The following MAPK8IP3 variants were observed in gnomAD, a reference collection of about 807,000 sequenced individuals.
The protein encoded by MAPK8IP3 is C-Jun-amino-terminal kinase-interacting protein 3.
Under a neutral mutation model 157.8 loss-of-function variants are expected in MAPK8IP3, and 49 were observed. The ratio of observed to expected loss-of-function variants is 0.31; its 90% CI spans 0.25 to 0.39. MAPK8IP3 has a LOEUF of 0.39. Among genes scored for constraint, MAPK8IP3 ranks in the 10% least tolerant of loss-of-function variants. MAPK8IP3 has a pLI of 1.00. For synonymous variants in MAPK8IP3, 897 were observed against 777.7 expected (o/e 1.15, Z -2.55); for missense variants, 1,478 against 1,889.4 (o/e 0.78, Z 4.04).
At chr16:1,727,050 G>A (rs190263729) in intron 2 of MAPK8IP3, among the ~76,000 whole-genome samples, 202 of 151,950 alleles carry the variant, frequency 1.3e-3, no homozygotes, top group African/African-American at 4.7e-3. Flanking sequence ...TGTGCTGTGT[G>A]CTGTGTATGA....
intron 1 of MAPK8IP3, among the ~76,000 whole-genome samples, chr16:1,720,200 G>A (rs34846031): frequency 0.13 from 19,960 of 152,148 alleles, 2,052 homozygotes; most frequent in African/African-American, 0.29. Flanking sequence ...ACGCCCAGCT[G>A]ATTTTTTGTG....
At position 1,758,039 on chromosome 16, in the gene MAPK8IP3, C is replaced by T. The variant is rs73501660; in HGVS notation, c.1217-109C>T. On this transcript the variant is annotated intron_variant, in intron 8 of 31. Transcript: ENST00000610761. ...TCCTGCCCTGCAACATGGGAGCAGC[C>T]GAATCATTGCTGGGTTTTCTGTAAT... is the stretch of plus-strand genomic sequence containing the variant. The T allele has an allele frequency of 4.9e-3, 5,574 of 1,130,044 alleles. 191 individuals carry two copies. The African/African-American group carries it at 0.07, about 14-fold the overall frequency. The allele number at this position is 1,130,044 out of a possible 1,614,324, so 70.0% of individuals were successfully genotyped here. A position where few individuals can be genotyped will look rare whatever the true frequency, so the allele number is the denominator to read the frequency against.
At chr16:1,727,265 T>G (rs1596584734) in intron 2 of MAPK8IP3, among the ~76,000 whole-genome samples, 1 of 148,412 alleles carries the variant, frequency 6.7e-6, no homozygotes, top group Admixed American at 6.7e-5. Flanking sequence ...CTGCTGTGTG[T>G]AGCGTCTGTG....
intron 8 of MAPK8IP3, 109 bp from the exon 9 acceptor site, chr16:1,758,039 C>G: frequency 8.8e-7 from 1 of 1,130,062 alleles, no homozygotes; most frequent in Non-Finnish European, 1.3e-6. Context: ...TGGGAGCAGC[C>G]GAATCATTGC....
At chr16:1,708,747 G>A (rs1385764624) in intron 1 of MAPK8IP3, among the ~76,000 whole-genome samples, 1 of 152,178 alleles carries the variant, frequency 6.6e-6, no homozygotes, top group East Asian at 1.9e-4. Context: ...GAGCCCCGAA[G>A]CCAGCCAATG....
chr16:1,766,337 G>T lies in MAPK8IP3; in HGVS notation c.2747G>T (p.Arg916Leu), dbSNP rs201418752. 1.2e-6 allele frequency: 2 copies of T among 1,612,694 alleles called. No individual in the cohort carries two copies. The highest frequency in any genetic ancestry group is 1.7e-6 in the Non-Finnish European group (2 of 1,179,988). ...AGCGAGCCAGAGACAGCCACATTGC[G>T]GCCCGGGCCTCTCACAGAGCACGTC... is the stretch of plus-strand genomic sequence containing the variant. ...GPSEPETATLRPGPLTEHVFT... is the reference protein window; with the variant it reads ...GPSEPETATLLPGPLTEHVFT... Residue 916 changes from arginine (R) to leucine (L), a missense_variant, in exon 22 of 32, where the codon CGG (arginine) becomes CTG (leucine). Physicochemically the swap from Arg to Leu is moderately radical, Grantham distance 102. Around this residue, in one of 11 missense-constraint regions of MAPK8IP3, gnomAD observed 669 missense variants for 759.8 expected, o/e 0.88. Transcript: ENST00000610761.
intron 8 of MAPK8IP3, among the ~76,000 whole-genome samples, chr16:1,753,721 G>A (rs916754617): frequency 1.1e-4 from 17 of 151,854 alleles, no homozygotes; most frequent in East Asian, 3.9e-4. Flanking sequence ...GATTACAGGC[G>A]TGAGCCACCG....
At chr16:1,719,193 T>C (rs2038352803) in intron 1 of MAPK8IP3, among the ~76,000 whole-genome samples, 1 of 151,960 alleles carries the variant, frequency 6.6e-6, no homozygotes, top group Non-Finnish European at 1.5e-5. Flanking sequence ...GGGCTCGAAC[T>C]CTTGGCCTCA....
At chr16:1,722,908 A>T (rs2038624192) in intron 1 of MAPK8IP3, among the ~76,000 whole-genome samples, 1 of 151,350 alleles carries the variant, frequency 6.6e-6, no homozygotes, top group South Asian at 2.1e-4. Context: ...TCGCCGTGTT[A>T]GCCAGGATGG....
intron 1 of MAPK8IP3, chr16:1,714,212 GT>G (rs1395555735): frequency 1.3e-5 from 2 of 152,266 alleles, no homozygotes; most frequent in Non-Finnish European, 2.9e-5. Context: ...TGGGCGGCTT[GT>G]TTTTACGTAA....
chr16:1,747,923 G>C (rs1293113761), intron 6 of MAPK8IP3, among the ~76,000 whole-genome samples: 3 of 152,272 alleles, frequency 2.0e-5, no homozygotes, highest in Non-Finnish European at 4.4e-5. Context: ...GAGGGAAAGA[G>C]AAGAGGGGAA....
In MAPK8IP3 at chr16:1,768,763, T is replaced by G. The variant is rs759454003; in HGVS notation, c.3953T>G (p.Val1318Gly). The G allele has an allele frequency of 3.7e-6, 6 of 1,612,622 alleles. No homozygotes were observed. The highest frequency in any genetic ancestry group is 5.1e-6 in the Non-Finnish European group (6 of 1,179,842). ...GGGGACATGAGCCAGGTGAAGCCCGTGCTGTCCAAGGCAGAGCGCAGTCAC... is the reference window on the plus strand; with the variant it reads ...GGGGACATGAGCCAGGTGAAGCCCGGGCTGTCCAAGGCAGAGCGCAGTCAC... ...GAGDMSQVKPVLSKAERSHII... is the reference protein window; with the variant it reads ...GAGDMSQVKPGLSKAERSHII... The change falls in exon 32 of 32, where the codon GTG becomes GGG. Residue 1318 changes from valine to glycine, a missense_variant. Coordinates refer to ENST00000610761, the MANE Select transcript of MAPK8IP3 (RefSeq NM_001318852.2).
intron 6 of MAPK8IP3, among the ~76,000 whole-genome samples, chr16:1,747,633 G>C (rs1055634696): frequency 1.3e-5 from 2 of 152,202 alleles, no homozygotes; most frequent in African/African-American, 2.4e-5. Context: ...AGTCATGCTA[G>C]GGGGTATCTA....
intron 26 of MAPK8IP3, 94 bp downstream of exon 26, chr16:1,767,391 GTGGGT>G: frequency 1.9e-6 from 3 of 1,558,316 alleles, no homozygotes; most frequent in South Asian, 1.2e-5. Context: ...GAGGCCCTAC[GTGGGT>G]CCCATCTCCC....
intron 8 of MAPK8IP3, among the ~76,000 whole-genome samples, chr16:1,750,603 G>T (rs1433634010): frequency 6.6e-6 from 1 of 150,840 alleles, no homozygotes; most frequent in East Asian, 1.9e-4. Context: ...CAAATGCCAA[G>T]AAGAGAGTAA....
Position 1,706,827 on chromosome 16 carries a change from G to A in MAPK8IP3, c.318+170G>A, listed in dbSNP as rs1349464634. Among the ~76,000 whole-genome samples the A allele has an allele frequency of 1.1e-4, 1 of 9,248 alleles. No homozygotes were observed. Among genetic ancestry groups the A allele is most frequent in the African/African-American group, 4.8e-4 (1 of 2,082 alleles). The allele number at this position is 9,248 out of a possible 152,430, so 6.1% of individuals were successfully genotyped here. ...GACCCGCCTGGACCCCATATCCCCC[G>A]CCCCGGGACTTCCCCACCCCCTCTG... On this transcript the variant is annotated intron_variant, in intron 1 of 31. Coordinates refer to ENST00000610761, the MANE Select transcript of MAPK8IP3 (RefSeq NM_001318852.2). The surrounding 1 kb of genome is among the most constrained non-coding windows in gnomAD (Gnocchi z 5.1).
chr16:1,758,135 C>T lies in MAPK8IP3; in HGVS notation c.1217-13C>T, dbSNP rs1047700127. The T allele has an allele frequency of 1.9e-6, 3 of 1,613,664 alleles. No individual in the cohort carries two copies. The highest frequency in any genetic ancestry group is 2.5e-6 in the Non-Finnish European group (3 of 1,179,796). On this transcript the variant is annotated splice_polypyrimidine_tract_variant and intron_variant, in intron 8 of 31. Transcript: ENST00000610761. Reference sequence around the variant, plus strand: ...CCTTCCCCTGCCTCTCTGTGCGTCGCTGGACTCGCCAGGGGAGTTCTCAGG... The same window carrying T: ...CCTTCCCCTGCCTCTCTGTGCGTCGTTGGACTCGCCAGGGGAGTTCTCAGG...
In MAPK8IP3 at chr16:1,738,307, ACCGT is replaced by A. The variant is rs1257309240; in HGVS notation, c.603-5020_603-5017del. On this transcript the variant is annotated intron_variant, in intron 4 of 31. Transcript: ENST00000610761. ...GACCATCCATGTGAGCATCTGTGTG[ACCGT>A]CCGTGTGAGCATCCGTGAGCGTGTG... is the stretch of plus-strand genomic sequence containing the variant. 1.5e-4 allele frequency among the ~76,000 whole-genome samples: 11 copies of A among 74,804 alleles called. 1 individual carries two copies. The highest frequency in any genetic ancestry group is 2.4e-4 in the Non-Finnish European group (10 of 40,914). The allele number at this position is 74,804 out of a possible 152,430, so 49.1% of individuals were successfully genotyped here. A position where few individuals can be genotyped will look rare whatever the true frequency, so the allele number is the denominator to read the frequency against.
At chr16:1,736,639 C>A (rs543624460) in intron 4 of MAPK8IP3, among the ~76,000 whole-genome samples, 1 of 43,414 alleles carries the variant, frequency 2.3e-5, no homozygotes, top group Non-Finnish European at 4.1e-5. Flanking sequence ...TCCGTGTGAG[C>A]GTGTGACCGT....
Sources: allele counts gnomAD v4.1 joint callset (sites outside exome capture counted in the v4.1 genomes callset), GRCh38; gene constraint gnomAD v4.1.1; regional missense constraint gnomAD v4.1.1; non-coding constraint Gnocchi (gnomAD v3.1); transcripts MANE v1.5; gene names NCBI Gene and HGNC (gene_info 2026-07-23, HGNC 2026-07-21).